SLC38A12: variants seen among roughly 807,000 people sequenced by gnomAD.
The protein encoded by SLC38A12 is solute carrier family 38 member 12.
At chr17:74,824,008 G>A in the SLC38A12 span, among the ~76,000 whole-genome samples, 1 of 152,226 alleles carries the variant, frequency 6.6e-6, no homozygotes, top group Non-Finnish European at 1.5e-5. Flanking sequence ...GCATCATCTT[G>A]GTCAGCTGCC....
chr17:74,793,802 A>G, the SLC38A12 span, among the ~76,000 whole-genome samples: 1 of 152,172 alleles, frequency 6.6e-6, no homozygotes, highest in Non-Finnish European at 1.5e-5. Flanking sequence ...AGGGAAGGAC[A>G]TGCCATATTC....
At chr17:74,801,165 CTCCTT>C in the SLC38A12 span, among the ~76,000 whole-genome samples, 1 of 152,234 alleles carries the variant, frequency 6.6e-6, no homozygotes, top group African/African-American at 2.4e-5. Context: ...CCCATCTTCT[CTCCTT>C]TCCTTTTCTT....
At chr17:74,805,490 A>G in the SLC38A12 span, among the ~76,000 whole-genome samples, 1 of 152,226 alleles carries the variant, frequency 6.6e-6, no homozygotes, top group Admixed American at 6.5e-5. This position sits in a 1 kb window ranked among gnomAD's most constrained non-coding sequence, Gnocchi z 5.0. Context: ...AGCTCCCCGG[A>G]GAGGGCATCT....
chr17:74,799,932 C>T, the SLC38A12 span, among the ~76,000 whole-genome samples: 2 of 152,246 alleles, frequency 1.3e-5, no homozygotes, highest in Non-Finnish European at 2.9e-5. Context: ...GCCCCGCCCT[C>T]CCACGGTTTA....
the SLC38A12 span, among the ~76,000 whole-genome samples, chr17:74,783,756 A>G: frequency 1.8e-5 from 2 of 112,672 alleles, no homozygotes; most frequent in Non-Finnish European, 3.3e-5. Context: ...TTTGAGACGG[A>G]GTCTCGCTCT....
At chr17:74,835,020 G>T in the SLC38A12 span, among the ~76,000 whole-genome samples, 1 of 152,234 alleles carries the variant, frequency 6.6e-6, no homozygotes, top group Non-Finnish European at 1.5e-5. Context: ...CCTGGAGGGC[G>T]TGCTGTGAGC....
chr17:74,807,142 G>A, the SLC38A12 span, among the ~76,000 whole-genome samples: 6 of 117,720 alleles, frequency 5.1e-5, no homozygotes, highest in South Asian at 3.0e-4. Flanking sequence ...ATCCCCAGAC[G>A]TCGAGTGCTG....
the SLC38A12 span, among the ~76,000 whole-genome samples, chr17:74,798,759 C>T: frequency 2.0e-5 from 3 of 151,880 alleles, no homozygotes; most frequent in African/African-American, 7.3e-5. Flanking sequence ...CCCATCCCTC[C>T]TGCTCTTTTG....
chr17:74,822,866 G>A, the SLC38A12 span, among the ~76,000 whole-genome samples: 12 of 152,310 alleles, frequency 7.9e-5, no homozygotes, highest in Admixed American at 2.0e-4. Context: ...AGGAGGGGAC[G>A]AAGGGGATGG....
At chr17:74,807,784 C>G in the SLC38A12 span, among the ~76,000 whole-genome samples, 17 of 152,230 alleles carry the variant, frequency 1.1e-4, no homozygotes, top group Non-Finnish European at 1.6e-4. Context: ...GCTCCACAGA[C>G]AGGTCTGTTC....
chr17:74,790,966 A>C, the SLC38A12 span: 2 of 1,614,044 alleles, frequency 1.2e-6, no homozygotes, highest in Non-Finnish European at 1.7e-6. Context: ...AGAGACGTGG[A>C]TCTCCCAACC....
chr17:74,819,118 C>A, the SLC38A12 span, among the ~76,000 whole-genome samples: 4 of 152,356 alleles, frequency 2.6e-5, no homozygotes, highest in East Asian at 7.7e-4. Flanking sequence ...CTAGATGCAG[C>A]TCCTTTCCTT....
chr17:74,836,138 C>A, the SLC38A12 span: 7 of 1,613,990 alleles, frequency 4.3e-6, no homozygotes, highest in Non-Finnish European at 3.4e-6. The surrounding 1 kb of genome is among the most constrained non-coding windows in gnomAD (Gnocchi z 4.2). Flanking sequence ...ACGTGCTGAT[C>A]CTGGCCTTCT....
At chr17:74,788,324 G>C in the SLC38A12 span, among the ~76,000 whole-genome samples, 1 of 152,194 alleles carries the variant, frequency 6.6e-6, no homozygotes, top group African/African-American at 2.4e-5. Flanking sequence ...CGCTCCTTCC[G>C]TGAGTGTATG....
chr17:74,817,034 A>C, the SLC38A12 span, among the ~76,000 whole-genome samples: 3 of 107,936 alleles, frequency 2.8e-5, no homozygotes, highest in East Asian at 3.4e-4. Flanking sequence ...CCTCCCCAAG[A>C]CCTCAGCGGC....
the SLC38A12 span, among the ~76,000 whole-genome samples, chr17:74,801,120 G>A: frequency 6.6e-6 from 1 of 152,198 alleles, no homozygotes; most frequent in Non-Finnish European, 1.5e-5. Context: ...ATAGGATGGC[G>A]ACCATGTAGG....
chr17:74,820,111 C>G, the SLC38A12 span, among the ~76,000 whole-genome samples: 319 of 152,274 alleles, frequency 2.1e-3, no homozygotes, highest in Non-Finnish European at 3.5e-3. Context: ...GGCTAGAGCC[C>G]AGGATTGTTC....
At chr17:74,839,468 G>C in the SLC38A12 span, 1 of 230,250 alleles carries the variant, frequency 4.3e-6, no homozygotes. Flanking sequence ...AGGGCCACTG[G>C]AAAGCTGGAG....
the SLC38A12 span, among the ~76,000 whole-genome samples, chr17:74,823,832 C>A: frequency 6.6e-6 from 1 of 152,264 alleles, no homozygotes; most frequent in East Asian, 1.9e-4. Context: ...TTGTTCCCCC[C>A]GTGTGGGACA....
Sources: gnomAD v4.1 joint callset for allele counts (sites outside exome capture counted in the v4.1 genomes callset) on GRCh38, gnomAD v4.1.1 for gene constraint, Gnocchi (gnomAD v3.1) non-coding constraint, MANE v1.5 for transcripts, NCBI Gene and HGNC (gene_info 2026-07-23, HGNC 2026-07-21) for gene names.